IFT80: variants seen among roughly 807,000 people sequenced by gnomAD.
IFT80 encodes the protein intraflagellar transport 80, also known as intraflagellar transport protein 80 homolog.
IFT80 carries 79 observed loss-of-function variants against 107.9 expected under a neutral mutation model. That is an observed-to-expected ratio of 0.73 (90% CI 0.61 to 0.88). The LOEUF (loss-of-function observed/expected upper bound fraction) is 0.88. Among genes scored for constraint, IFT80 ranks in the 40% least tolerant of loss-of-function variants. IFT80 has a pLI of 0.00. For synonymous variants in IFT80, 299 were observed against 300.9 expected (o/e 0.99, Z 0.07); for missense variants, 797 against 914.2 (o/e 0.87, Z 1.65).
At position 160,269,222 on chromosome 3, in the gene IFT80, C is replaced by CA. The variant is rs10539287; in HGVS notation, c.2100-687dup. Among the ~76,000 whole-genome samples, 562 of 104,784 alleles carry CA rather than the reference C, an allele frequency of 5.4e-3. 3 individuals carry two copies. The highest frequency in any genetic ancestry group is 8.7e-3 in the Non-Finnish European group (415 of 47,498). 68.7% of individuals were successfully genotyped at this position (104,784 alleles called of 152,430 possible). A position where few individuals can be genotyped will look rare whatever the true frequency, so the allele number is the denominator to read the frequency against. ...CCGGCCTGGGTGACAGAGCGAGACT[C>CA]AAAAAAAAAAAAAAAAAGAAAATAT... is the stretch of plus-strand genomic sequence containing the variant. On this transcript the variant is annotated intron_variant, in intron 18 of 19. Coordinates refer to ENST00000326448, the MANE Select transcript of IFT80 (RefSeq NM_020800.3).
chr3:160,274,912 T>C (rs1714126774), intron 18 of IFT80, among the ~76,000 whole-genome samples: 1 of 152,200 alleles, frequency 6.6e-6, no homozygotes, highest in Non-Finnish European at 1.5e-5. Flanking sequence ...AGAGCGAGAC[T>C]CCGTCTCAAA....
intron 9 of IFT80, among the ~76,000 whole-genome samples, chr3:160,312,316 C>T (rs1234531632): frequency 1.3e-5 from 2 of 151,590 alleles, no homozygotes; most frequent in Non-Finnish European, 2.9e-5. Context: ...TTTTTTTGGT[C>T]TCCTTTCAGG....
intron 11 of IFT80, among the ~76,000 whole-genome samples, chr3:160,301,768 T>C (rs1449783479): frequency 6.6e-6 from 1 of 151,946 alleles, no homozygotes; most frequent in East Asian, 1.9e-4. Flanking sequence ...AATTTATGAA[T>C]ATTGTACAAA....
At chr3:160,290,865 C>T (rs754970353) in intron 12 of IFT80, among the ~76,000 whole-genome samples, 1 of 152,124 alleles carries the variant, frequency 6.6e-6, no homozygotes, top group South Asian at 2.1e-4. Context: ...TGGCCCTAAA[C>T]GAGCTTTATG....
At chr3:160,363,292 G>A (rs531182261) in intron 6 of IFT80, among the ~76,000 whole-genome samples, 1 of 152,054 alleles carries the variant, frequency 6.6e-6, no homozygotes, top group African/African-American at 2.4e-5. Context: ...AAATACCTAG[G>A]AATCCAACTT....
In IFT80 at chr3:160,384,563, T is replaced by A; in HGVS notation, c.37+1A>T. 6.7e-7 allele frequency: 1 copy of A among 1,481,806 alleles called. No homozygotes were observed. Among genetic ancestry groups the A allele is most frequent in the South Asian group, 1.2e-5 (1 of 86,738 alleles). The allele number at this position is 1,481,806 out of a possible 1,614,324, so 91.8% of individuals were successfully genotyped here. A position where few individuals can be genotyped will look rare whatever the true frequency, so the allele number is the denominator to read the frequency against. ...AAGATTTATAAGCATTAAAAGGATATGCTTTGGTTCTTTTAAAAGAGATAT... is the reference window on the plus strand; with the variant it reads ...AAGATTTATAAGCATTAAAAGGATAAGCTTTGGTTCTTTTAAAAGAGATAT... On this transcript the variant is annotated splice_donor_variant, in intron 2 of 19. Coordinates refer to ENST00000326448, the MANE Select transcript of IFT80 (RefSeq NM_020800.3). LOFTEE classifies it high-confidence loss of function.
At chr3:160,360,094 G>A (rs1026898387) in intron 6 of IFT80, among the ~76,000 whole-genome samples, 7 of 152,150 alleles carry the variant, frequency 4.6e-5, no homozygotes, top group African/African-American at 1.7e-4. Context: ...TCACAAGGAA[G>A]CTAAAAACCT....
Position 160,327,570 on chromosome 3 carries a change from A to G in IFT80, c.778-7631T>C, listed in dbSNP as rs148590219. Among the ~76,000 whole-genome samples, 402 of 152,324 alleles carry G rather than the reference A, an allele frequency of 2.6e-3. 1 individual carries two copies. The highest frequency in any genetic ancestry group is 4.5e-3 in the Non-Finnish European group (305 of 68,026). ...TTCAACAAACCTGACAAAACAAGCA[A>G]TGAGGAAAGGAGTCCCTATTTAATA... On this transcript the variant is annotated intron_variant, in intron 8 of 19. Transcript: ENST00000326448.
intron 1 of IFT80, among the ~76,000 whole-genome samples, chr3:160,395,113 T>C (rs1713678455): frequency 6.6e-6 from 1 of 152,236 alleles, no homozygotes; most frequent in Non-Finnish European, 1.5e-5. Context: ...GAAAGGATTA[T>C]GACCTAATTT....
intron 8 of IFT80, among the ~76,000 whole-genome samples, chr3:160,321,154 T>A (rs1291212599): frequency 6.6e-6 from 1 of 151,840 alleles, no homozygotes; most frequent in Non-Finnish European, 1.5e-5. Flanking sequence ...TTAAGAAGAA[T>A]CAATTAAAAA....
chr3:160,286,145 G>A (rs1715074050), intron 12 of IFT80, among the ~76,000 whole-genome samples: 1 of 152,188 alleles, frequency 6.6e-6, no homozygotes, highest in African/African-American at 2.4e-5. Flanking sequence ...AAATGTGAAT[G>A]TAATTTATAA....
rs1172023108 is a variant in IFT80, at chr3:160,286,753, G to A, written c.1316-885C>T. Among the ~76,000 whole-genome samples, 3 of 152,138 alleles carry A rather than the reference G, an allele frequency of 2.0e-5. No homozygotes were observed. In the East Asian group the frequency reaches 5.8e-4, roughly 29 times the overall value. On this transcript the variant is annotated intron_variant, in intron 12 of 19. Coordinates refer to ENST00000326448, the MANE Select transcript of IFT80 (RefSeq NM_020800.3). Reference sequence around the variant, plus strand: ...TCCGCAAAGGAAAAACATGTTGAATGTCTACTATAATGCCAGGCAACGTGT... The same window carrying A: ...TCCGCAAAGGAAAAACATGTTGAATATCTACTATAATGCCAGGCAACGTGT...
intron 5 of IFT80, among the ~76,000 whole-genome samples, 175 bp from the exon 6 acceptor site, chr3:160,366,327 G>A (rs1721862881): frequency 6.6e-6 from 1 of 151,880 alleles, no homozygotes; most frequent in African/African-American, 2.4e-5. Context: ...TGCTGACTGG[G>A]TTAATATTGA....
intron 8 of IFT80, 168 bp from the exon 9 acceptor site, chr3:160,320,107 G>A: frequency 1.7e-6 from 1 of 605,426 alleles, no homozygotes; most frequent in Non-Finnish European, 2.9e-6. Flanking sequence ...AAATACAGAT[G>A]TAATTGTTGA....
intron 8 of IFT80, among the ~76,000 whole-genome samples, chr3:160,338,545 T>C (rs375428763): frequency 6.6e-5 from 10 of 151,628 alleles, no homozygotes; most frequent in Non-Finnish European, 4.4e-5. Flanking sequence ...GGTGGGAGGA[T>C]TGCTTGAGCC....
chr3:160,264,569 C>A (rs1361716372), intron 19 of IFT80, among the ~76,000 whole-genome samples: 1 of 149,768 alleles, frequency 6.7e-6, no homozygotes, highest in Admixed American at 6.7e-5. Context: ...GCAGCTGGAA[C>A]TACAGGTGCA....
chr3:160,396,500 C>T (rs892464061), intron 1 of IFT80, among the ~76,000 whole-genome samples: 3 of 152,100 alleles, frequency 2.0e-5, no homozygotes, highest in African/African-American at 7.2e-5. Flanking sequence ...AAAAACCTTG[C>T]ACTTAAAGAA....
intron 10 of IFT80, among the ~76,000 whole-genome samples, chr3:160,304,215 G>A (rs1445555962): frequency 1.3e-5 from 2 of 152,114 alleles, no homozygotes; most frequent in Non-Finnish European, 2.9e-5. Flanking sequence ...CACATAATAG[G>A]AATCCAATAA....
chr3:160,329,662 G>A (rs1718941945), intron 8 of IFT80, among the ~76,000 whole-genome samples: 1 of 152,100 alleles, frequency 6.6e-6, no homozygotes, highest in African/African-American at 2.4e-5. Flanking sequence ...TAGTTTATTA[G>A]CATTAGATCG....
Sources: allele counts gnomAD v4.1 joint callset (sites outside exome capture counted in the v4.1 genomes callset), GRCh38; gene constraint gnomAD v4.1.1; transcripts MANE v1.5; gene names NCBI Gene and HGNC (gene_info 2026-07-23, HGNC 2026-07-21).